The following TBC1D22A variants were observed in gnomAD, a reference collection of about 807,000 sequenced individuals.
TBC1D22A encodes the protein putative GTPase activator.
In TBC1D22A, 38 loss-of-function variants were observed where a neutral mutation model predicts 60.2. That is an observed-to-expected ratio of 0.63 (90% CI 0.49 to 0.83). The LOEUF is 0.83. TBC1D22A is among the 40% of genes least tolerant of loss of function. The pLI is 0.00. For missense variants in TBC1D22A, 628 were observed against 701.0 expected (o/e 0.90, Z 1.18); for synonymous variants, 302 against 281.7 (o/e 1.07, Z -0.72).
intron 7 of TBC1D22A, among the ~76,000 whole-genome samples, chr22:46,903,268 G>A (rs928274712): frequency 2.6e-5 from 4 of 152,298 alleles, no homozygotes; most frequent in South Asian, 2.1e-4. Flanking sequence ...GGCTGCAGGC[G>A]AAGGGGCTCC....
At chr22:46,879,395 G>C (rs546287111) in intron 5 of TBC1D22A, among the ~76,000 whole-genome samples, 1 of 152,280 alleles carries the variant, frequency 6.6e-6, no homozygotes, top group South Asian at 2.1e-4. Flanking sequence ...TTTCAGAATT[G>C]TTTATAGACA....
chr22:46,904,244 G>A (rs1352124282), intron 7 of TBC1D22A, among the ~76,000 whole-genome samples: 3 of 151,404 alleles, frequency 2.0e-5, no homozygotes, highest in African/African-American at 2.4e-5. Flanking sequence ...AAAAAGGTAC[G>A]ATTATTTGAT....
chr22:47,069,538 C>T (rs1338150893), intron 11 of TBC1D22A, among the ~76,000 whole-genome samples: 1 of 152,232 alleles, frequency 6.6e-6, no homozygotes, highest in African/African-American at 2.4e-5. Context: ...AATTGCATGT[C>T]TCTGTCCTTG....
chr22:46,903,849 G>T (rs2069188287), intron 7 of TBC1D22A, among the ~76,000 whole-genome samples: 1 of 152,144 alleles, frequency 6.6e-6, no homozygotes, highest in African/African-American at 2.4e-5. Context: ...TGGGACTGAG[G>T]GGTGGTAGGA....
chr22:46,884,380 C>T (rs945472356), intron 5 of TBC1D22A, among the ~76,000 whole-genome samples: 18 of 152,200 alleles, frequency 1.2e-4, no homozygotes, highest in Non-Finnish European at 2.2e-4. Flanking sequence ...AGGGCTTACC[C>T]GTTCCCTCAC....
At chr22:46,973,678 A>G (rs2074170247) in intron 8 of TBC1D22A, among the ~76,000 whole-genome samples, 1 of 152,238 alleles carries the variant, frequency 6.6e-6, no homozygotes, top group Non-Finnish European at 1.5e-5. Flanking sequence ...CTGATAAGCC[A>G]TTTCAATTAG....
Position 46,913,276 on chromosome 22 carries a change from CT to C in TBC1D22A, c.1015+1090del, listed in dbSNP as rs2070089929. On this transcript the variant is annotated intron_variant, in intron 8 of 12. Transcript: ENST00000337137. Reference sequence around the variant, plus strand: ...CATTTTAATTTAAACCTGGTTTTGTCTTCCTGCAAGCCTTCTGGACTTGGTG... The same window carrying C: ...CATTTTAATTTAAACCTGGTTTTGTCTCCTGCAAGCCTTCTGGACTTGGTG... The C allele has an allele frequency of 7.7e-6, 10 of 1,292,168 alleles. 1 individual carries two copies. In the Middle Eastern group the frequency reaches 1.9e-3, roughly 252 times the overall value. 80.0% of individuals were successfully genotyped at this position (1,292,168 alleles called of 1,614,324 possible). A position where few individuals can be genotyped will look rare whatever the true frequency, so the allele number is the denominator to read the frequency against.
At chr22:46,951,558 G>T (rs1053807268) in intron 8 of TBC1D22A, among the ~76,000 whole-genome samples, 2 of 152,208 alleles carry the variant, frequency 1.3e-5, no homozygotes, top group Admixed American at 6.5e-5. Context: ...CGCCAGTTAG[G>T]GGCTGTCACT....
chr22:46,929,718 G>A (rs898394100), intron 8 of TBC1D22A, among the ~76,000 whole-genome samples: 36 of 151,834 alleles, frequency 2.4e-4, no homozygotes, highest in African/African-American at 8.5e-4. Context: ...GTGTGTGTGC[G>A]TGTGCGTGTG....
intron 4 of TBC1D22A, among the ~76,000 whole-genome samples, chr22:46,800,998 A>T (rs1385560868): frequency 1.3e-5 from 2 of 152,226 alleles, no homozygotes; most frequent in Non-Finnish European, 2.9e-5. Context: ...AATTGAACCA[A>T]CTTTTGGAAA....
chr22:46,902,804 G>A (rs536220613), intron 7 of TBC1D22A, among the ~76,000 whole-genome samples: 2 of 152,366 alleles, frequency 1.3e-5, no homozygotes, highest in South Asian at 2.1e-4. Flanking sequence ...CGGTGGGCAC[G>A]TGGGGACACG....
chr22:46,790,405 G>A (rs2146876111), intron 1 of TBC1D22A, among the ~76,000 whole-genome samples: 1 of 152,318 alleles, frequency 6.6e-6, no homozygotes, highest in East Asian at 1.9e-4. Flanking sequence ...ATTCTTAATT[G>A]CATCTGCAAA....
intron 8 of TBC1D22A, among the ~76,000 whole-genome samples, chr22:46,946,963 G>T (rs1428381725): frequency 1.3e-5 from 2 of 152,170 alleles, no homozygotes; most frequent in African/African-American, 4.8e-5. Flanking sequence ...GTACAGTCCA[G>T]TTGTATAATT....
chr22:47,117,676 C>T lies in TBC1D22A; in HGVS notation c.1425+6073C>T, dbSNP rs937345975. 4.6e-5 allele frequency among the ~76,000 whole-genome samples: 7 copies of T among 152,220 alleles called. No homozygotes were observed. The South Asian group carries it at 6.2e-4, about 14-fold the overall frequency. On this transcript the variant is annotated intron_variant, in intron 12 of 12. Coordinates refer to ENST00000337137, the MANE Select transcript of TBC1D22A (RefSeq NM_014346.5). ...CGCTCCCGGGAGCACAGGAGCCCAGCGCCAGCTTCGTCGGAAACCTCCTTG... is the reference window on the plus strand; with the variant it reads ...CGCTCCCGGGAGCACAGGAGCCCAGTGCCAGCTTCGTCGGAAACCTCCTTG...
At chr22:46,801,702 A>G (rs148396279) in intron 4 of TBC1D22A, among the ~76,000 whole-genome samples, 117 of 152,324 alleles carry the variant, frequency 7.7e-4, no homozygotes, top group African/African-American at 2.6e-3. Context: ...CTGTGTGTGG[A>G]GCTCAGCTCT....
rs2063776162 is a variant in TBC1D22A, at chr22:47,066,426, G to A, written c.1329+29228G>A. 2.6e-5 allele frequency among the ~76,000 whole-genome samples: 4 copies of A among 152,174 alleles called. No homozygotes were observed. In the Middle Eastern group the frequency reaches 0.01, roughly 388 times the overall value. On this transcript the variant is annotated intron_variant, in intron 11 of 12. Coordinates refer to ENST00000337137, the MANE Select transcript of TBC1D22A (RefSeq NM_014346.5). The stretch of plus-strand genomic sequence containing the variant: ...TCAGGGGAGGTCGGGAGGGAGGGAG[G>A]GCCAAGCTTTGGCTGCCCAAGGGTG...
At position 46,941,362 on chromosome 22, in the gene TBC1D22A, A is replaced by AGAATATATATACAGAATATATATACG. The variant is rs2072048877; in HGVS notation, c.1015+29188_1015+29213dup. Among the ~76,000 whole-genome samples, 10 of 148,898 alleles carry AGAATATATATACAGAATATATATACG rather than the reference A, an allele frequency of 6.7e-5. 2 individuals carry two copies. The highest frequency in any genetic ancestry group is 2.5e-4 in the African/African-American group (10 of 40,718). On this transcript the variant is annotated intron_variant, in intron 8 of 12. Transcript: ENST00000337137. The stretch of plus-strand genomic sequence containing the variant: ...ATATATATATATAGAATATATATAC[A>AGAATATATATACAGAATATATATACG]GAATATATATACAGAATATATATAC...
chr22:46,950,946 T>G (rs2072866619), intron 8 of TBC1D22A, among the ~76,000 whole-genome samples: 1 of 152,246 alleles, frequency 6.6e-6, no homozygotes, highest in Admixed American at 6.5e-5. Context: ...ACATTCCTTG[T>G]AAGTGTTCGG....
chr22:46,781,032 TCTTGGGCATTTCC>T (rs2083910383), intron 1 of TBC1D22A, among the ~76,000 whole-genome samples: 1 of 152,144 alleles, frequency 6.6e-6, no homozygotes, highest in African/African-American at 2.4e-5. Flanking sequence ...ATTCTCTTTC[TCTTGGGCATTTCC>T]CCCTGCCCCG....
Sources: allele counts gnomAD v4.1 joint callset (sites outside exome capture counted in the v4.1 genomes callset), GRCh38; gene constraint gnomAD v4.1.1; transcripts MANE v1.5; gene names NCBI Gene and HGNC (gene_info 2026-07-23, HGNC 2026-07-21).